NKAIN2: variants seen among roughly 807,000 people sequenced by gnomAD.
NKAIN2 encodes sodium/potassium transporting ATPase interacting 2.
Under a neutral mutation model 32.6 loss-of-function variants are expected in NKAIN2, and 14 were observed. The observed-to-expected ratio is 0.43, with a 90% CI of 0.28 to 0.67. The LOEUF is 0.67. Among genes scored for constraint, NKAIN2 ranks in the 30% least tolerant of loss-of-function variants. The probability of loss-of-function intolerance (pLI) is 0.17; values close to 1 mark genes in which losing one functional copy is unlikely to be tolerated. For synonymous variants in NKAIN2, 80 were observed against 87.2 expected (o/e 0.92, Z 0.46); for missense variants, 198 against 258.3 (o/e 0.77, Z 1.60).
intron 2 of NKAIN2, among the ~76,000 whole-genome samples, chr6:124,322,204 G>A (rs62434697): frequency 0.021 from 3,133 of 152,156 alleles, 55 homozygotes; most frequent in Non-Finnish European, 0.031. Flanking sequence ...GAAAATTATA[G>A]AGCATTACAC....
intron 1 of NKAIN2, among the ~76,000 whole-genome samples, chr6:124,165,934 G>A (rs2114474507): frequency 9.5e-6 from 1 of 104,998 alleles, no homozygotes; most frequent in Non-Finnish European, 1.9e-5. Flanking sequence ...CATTTGGGTT[G>A]GTTCCAAGTC....
At chr6:124,376,124 G>A (rs939657539) in intron 3 of NKAIN2, among the ~76,000 whole-genome samples, 1 of 152,056 alleles carries the variant, frequency 6.6e-6, no homozygotes, top group Non-Finnish European at 1.5e-5. Flanking sequence ...TCTAATTGGA[G>A]ATATAATGTT....
chr6:124,284,656 T>G (rs985823387), intron 2 of NKAIN2, among the ~76,000 whole-genome samples: 5 of 152,080 alleles, frequency 3.3e-5, no homozygotes, highest in African/African-American at 1.2e-4. Flanking sequence ...TTTGAACTAT[T>G]TAAAAACTCA....
intron 4 of NKAIN2, among the ~76,000 whole-genome samples, chr6:124,740,310 A>G (rs1224156293): frequency 1.3e-5 from 2 of 151,790 alleles, no homozygotes; most frequent in Non-Finnish European, 2.9e-5. Flanking sequence ...ACAAATATTT[A>G]CTGAGCGCCT....
chr6:124,327,838 CACATT>C (rs1797487093), intron 2 of NKAIN2, among the ~76,000 whole-genome samples: 1 of 151,948 alleles, frequency 6.6e-6, no homozygotes, highest in African/African-American at 2.4e-5. Flanking sequence ...TACTCTGGGC[CACATT>C]ACATTAAGAA....
chr6:124,605,020 A>G lies in NKAIN2; in HGVS notation c.274-53166A>G, dbSNP rs372421185. 6.0e-4 allele frequency among the ~76,000 whole-genome samples: 92 copies of G among 152,160 alleles called. No individual in the cohort carries two copies. In the South Asian group the frequency reaches 0.019, roughly 31 times the overall value. ...CCCGGGCTTCCTCTAAACTTGTCACACTAAGCTCATGATTGAATCAAACAC... is the reference window on the plus strand; with the variant it reads ...CCCGGGCTTCCTCTAAACTTGTCACGCTAAGCTCATGATTGAATCAAACAC... On this transcript the variant is annotated intron_variant, in intron 3 of 6. Coordinates refer to ENST00000368417, the MANE Select transcript of NKAIN2 (RefSeq NM_001040214.3).
At chr6:124,464,770 C>CT (rs1434869643) in intron 3 of NKAIN2, among the ~76,000 whole-genome samples, 1 of 151,920 alleles carries the variant, frequency 6.6e-6, no homozygotes, top group East Asian at 1.9e-4. Context: ...TTACTGTAGC[C>CT]TTGTAGTATA....
At chr6:124,656,157 C>T (rs1784531460) in intron 3 of NKAIN2, among the ~76,000 whole-genome samples, 1 of 152,072 alleles carries the variant, frequency 6.6e-6, no homozygotes, top group South Asian at 2.1e-4. Context: ...CATGATTTCC[C>T]CCACAGGGCT....
intron 1 of NKAIN2, among the ~76,000 whole-genome samples, chr6:124,104,281 A>C (rs1312030795): frequency 6.6e-6 from 1 of 152,120 alleles, no homozygotes; most frequent in Non-Finnish European, 1.5e-5. Context: ...ACTTTGAATT[A>C]AGCTTGAACT....
intron 1 of NKAIN2, among the ~76,000 whole-genome samples, chr6:123,812,655 G>A (rs1773524755): frequency 6.6e-6 from 1 of 152,334 alleles, no homozygotes; most frequent in Non-Finnish European, 1.5e-5. Context: ...TAAGGCAGTG[G>A]ATGAGGAGCA....
intron 1 of NKAIN2, among the ~76,000 whole-genome samples, chr6:123,910,020 C>T (rs1162076904): frequency 6.6e-6 from 1 of 152,012 alleles, no homozygotes; most frequent in East Asian, 1.9e-4. Flanking sequence ...TAACAGTGGT[C>T]CATTTTAAAT....
chr6:124,096,956 G>T (rs986450340), intron 1 of NKAIN2, among the ~76,000 whole-genome samples: 1 of 151,502 alleles, frequency 6.6e-6, no homozygotes, highest in Non-Finnish European at 1.5e-5. Flanking sequence ...ACTTCAAAAT[G>T]TTTATTGAAC....
At chr6:124,453,324 C>CAA (rs1413047745) in intron 3 of NKAIN2, among the ~76,000 whole-genome samples, 1 of 34,900 alleles carries the variant, frequency 2.9e-5, no homozygotes, top group Non-Finnish European at 9.8e-5. Context: ...TGCATATAAA[C>CAA]ACACACACAC....
intron 3 of NKAIN2, among the ~76,000 whole-genome samples, chr6:124,456,466 A>G (rs1437243695): frequency 1.3e-5 from 2 of 151,970 alleles, no homozygotes; most frequent in East Asian, 3.9e-4. Flanking sequence ...TTAGGTATGA[A>G]GACCACCGTT....
chr6:124,074,520 T>A (rs1388579251), intron 1 of NKAIN2, among the ~76,000 whole-genome samples: 1 of 152,130 alleles, frequency 6.6e-6, no homozygotes, highest in East Asian at 1.9e-4. Context: ...TTGCACCCAT[T>A]ACTAGGGGTC....
At chr6:123,935,118 A>C (rs719100) in intron 1 of NKAIN2, among the ~76,000 whole-genome samples, 48,491 of 146,944 alleles carry the variant, frequency 0.33, 8,537 homozygotes, top group East Asian at 0.61. Context: ...TATTGAAATA[A>C]ATATGTTAAA....
intron 5 of NKAIN2, among the ~76,000 whole-genome samples, chr6:124,813,609 T>C (rs1781013603): frequency 6.6e-6 from 1 of 152,172 alleles, no homozygotes; most frequent in Non-Finnish European, 1.5e-5. Flanking sequence ...ACCTGGTTTC[T>C]ACTCTCATCC....
intron 3 of NKAIN2, among the ~76,000 whole-genome samples, chr6:124,398,648 T>C (rs971055385): frequency 5.9e-5 from 9 of 152,184 alleles, no homozygotes; most frequent in African/African-American, 2.2e-4. Context: ...GAACGGCTTA[T>C]AGAGGCAATT....
intron 4 of NKAIN2, among the ~76,000 whole-genome samples, chr6:124,711,402 C>G (rs1401374599): frequency 1.5e-5 from 2 of 137,666 alleles, no homozygotes; most frequent in African/African-American, 2.8e-5. Flanking sequence ...TGGATAATAT[C>G]CTGCAGAGTG....
Sources: gnomAD v4.1 joint callset for allele counts (sites outside exome capture counted in the v4.1 genomes callset) on GRCh38, gnomAD v4.1.1 for gene constraint, MANE v1.5 for transcripts, NCBI Gene and HGNC (gene_info 2026-07-23, HGNC 2026-07-21) for gene names.